HMCN1: variants seen among roughly 807,000 people sequenced by gnomAD.
HMCN1 encodes hemicentin 1, also known as hemicentin-1.
A neutral mutation model predicts 625.9 loss-of-function variants in HMCN1; 321 were observed. The ratio of observed to expected loss-of-function variants is 0.51; its 90% CI spans 0.47 to 0.56. The LOEUF is 0.56. Ranked by LOEUF, HMCN1 falls within the 20% of genes least tolerant of loss-of-function variation. The pLI is 0.00. For synonymous variants in HMCN1, 2,425 were observed against 2,417.6 expected (o/e 1.00, Z -0.09); for missense variants, 6,588 against 6,887.3 (o/e 0.96, Z 1.54).
In HMCN1 at chr1:185,891,449, C is replaced by T. The variant is rs538827950; in HGVS notation, c.622-17888C>T. Reference sequence around the variant, plus strand: ...TGGCATGATTTTGCAGCGGCTGGTACCGGTTGTTCCTTTCATGTTTAGTGC... The same window carrying T: ...TGGCATGATTTTGCAGCGGCTGGTATCGGTTGTTCCTTTCATGTTTAGTGC... On this transcript the variant is annotated intron_variant, in intron 4 of 106. Coordinates refer to ENST00000271588, the MANE Select transcript of HMCN1 (RefSeq NM_031935.3). Among the ~76,000 whole-genome samples the T allele has an allele frequency of 2.8e-4, 42 of 148,372 alleles. 1 individual carries two copies. Among genetic ancestry groups the T allele is most frequent in the Admixed American group, 7.9e-4 (12 of 15,192 alleles).
At chr1:186,163,629 G>T (rs1483603578) in intron 97 of HMCN1, among the ~76,000 whole-genome samples, 1 of 152,194 alleles carries the variant, frequency 6.6e-6, no homozygotes, top group East Asian at 1.9e-4. Flanking sequence ...TATGAAAATT[G>T]CATTCCTAGA....
At chr1:185,990,141 G>C in intron 21 of HMCN1, 134 bp from the exon 22 acceptor site, 1 of 865,152 alleles carries the variant, frequency 1.2e-6, no homozygotes, top group Non-Finnish European at 2.0e-6. Flanking sequence ...TTAATGGAAA[G>C]TTTTAGCTTA....
intron 9 of HMCN1, among the ~76,000 whole-genome samples, chr1:185,927,646 A>G (rs1437551072): frequency 6.6e-6 from 1 of 152,190 alleles, no homozygotes; most frequent in Non-Finnish European, 1.5e-5. Context: ...AGATATCACC[A>G]TAAGGTATTA....
intron 1 of HMCN1, among the ~76,000 whole-genome samples, chr1:185,789,491 C>T (rs1300741154): frequency 6.6e-6 from 1 of 152,194 alleles, no homozygotes; most frequent in Non-Finnish European, 1.5e-5. Flanking sequence ...GAAAGCATAT[C>T]ACACACATTG....
At chr1:186,172,891 A>T (rs552882031) in intron 102 of HMCN1, among the ~76,000 whole-genome samples, 1 of 152,348 alleles carries the variant, frequency 6.6e-6, no homozygotes, top group South Asian at 2.1e-4. Flanking sequence ...CTACAGGAAT[A>T]CCCAAGAGAG....
chr1:186,141,478 T>G (rs1016921829), intron 89 of HMCN1, among the ~76,000 whole-genome samples: 1 of 152,216 alleles, frequency 6.6e-6, no homozygotes, highest in Non-Finnish European at 1.5e-5. Context: ...CCCAGTTAGT[T>G]AGAAGAGTGT....
chr1:185,749,240 C>G (rs1654630600), intron 1 of HMCN1, among the ~76,000 whole-genome samples: 1 of 152,166 alleles, frequency 6.6e-6, no homozygotes, highest in East Asian at 1.9e-4. Context: ...GTATAATTGT[C>G]ATTCACAAAA....
chr1:186,062,695 G>A (rs1057061388), intron 48 of HMCN1, 95 bp downstream of exon 48: 9 of 791,016 alleles, frequency 1.1e-5, no homozygotes, highest in Non-Finnish European at 1.8e-5. Flanking sequence ...TATATTTAGG[G>A]GGTACAAGTG....
At chr1:186,068,868 C>CAAAAA in intron 50 of HMCN1, among the ~76,000 whole-genome samples, 2 of 76,766 alleles carry the variant, frequency 2.6e-5, no homozygotes, top group South Asian at 4.9e-4. Context: ...GACTCGGTCT[C>CAAAAA]AAAAAAAAAA....
intron 4 of HMCN1, among the ~76,000 whole-genome samples, chr1:185,889,647 C>T (rs941618816): frequency 7.3e-6 from 1 of 137,770 alleles, no homozygotes; most frequent in Non-Finnish European, 1.5e-5. Context: ...GCCTTGCATC[C>T]CAGGGATGAA....
At chr1:185,994,529 G>T (rs536972554) in intron 23 of HMCN1, among the ~76,000 whole-genome samples, 6 of 152,166 alleles carry the variant, frequency 3.9e-5, no homozygotes, top group Admixed American at 1.3e-4. Flanking sequence ...AATGCTTTCT[G>T]TTCCTCAAGT....
At chr1:186,182,109 T>C (rs1010016722) in intron 104 of HMCN1, 59 bp from the exon 105 acceptor site, 10 of 1,600,158 alleles carry the variant, frequency 6.2e-6, no homozygotes, top group Non-Finnish European at 8.6e-6. Flanking sequence ...GAGTTGGCTC[T>C]GTCACAGTGT....
rs1666275826 is a variant in HMCN1 at position 185,909,250 on chromosome 1, T to C, written c.622-87T>C. On this transcript the variant is annotated intron_variant, in intron 4 of 106. Transcript: ENST00000271588. ...CCAGTCCAGGATGTGCCGGAGTCAT[T>C]TGATCACCCAAAGGACCTGAAACAG... The C allele has an allele frequency of 3.0e-6, 3 of 1,011,470 alleles. No homozygotes were observed. The East Asian group carries it at 7.2e-5, about 24-fold the overall frequency. 62.7% of individuals were successfully genotyped at this position (1,011,470 alleles called of 1,614,324 possible).
chr1:186,172,264 C>T (rs1652281061), intron 102 of HMCN1, 133 bp downstream of exon 102: 18 of 1,224,052 alleles, frequency 1.5e-5, no homozygotes, highest in Non-Finnish European at 2.0e-5. Context: ...TAAGTACTCC[C>T]AACTTCTAGG....
intron 53 of HMCN1, among the ~76,000 whole-genome samples, chr1:186,076,107 T>C (rs1288818742): frequency 6.6e-6 from 1 of 152,196 alleles, no homozygotes; most frequent in Non-Finnish European, 1.5e-5. Context: ...TAGTCTTTCC[T>C]GCTGTGTATC....
At chr1:186,024,853 C>T (rs1327170927) in intron 36 of HMCN1, among the ~76,000 whole-genome samples, 1 of 152,108 alleles carries the variant, frequency 6.6e-6, no homozygotes, top group African/African-American at 2.4e-5. Flanking sequence ...CTTTTTGGCA[C>T]CAGGGACCAG....
Position 186,053,909 on chromosome 1 carries a change from C to A in HMCN1, c.6785C>A (p.Ser2262Tyr). 6.2e-7 allele frequency: 1 copy of A among 1,612,704 alleles called. No individual in the cohort carries two copies. The highest frequency in any genetic ancestry group is 8.5e-7 in the Non-Finnish European group (1 of 1,179,196). ...RQLQISIAEK[S>Y]DAALYSCVAS... ...TTACAAATTTCAATTGCTGAAAAGTCTGATGCAGCACTCTATTCATGTGTG... is the reference window on the plus strand; with the variant it reads ...TTACAAATTTCAATTGCTGAAAAGTATGATGCAGCACTCTATTCATGTGTG... The change falls in exon 44 of 107, where the codon TCT becomes TAT. Residue 2262 changes from serine (S) to tyrosine (Y), a missense_variant. Physicochemically the swap from Ser to Tyr is moderately radical, Grantham distance 144. Coordinates refer to ENST00000271588, the MANE Select transcript of HMCN1 (RefSeq NM_031935.3).
At chr1:185,989,315 G>A (rs1278887245) in intron 20 of HMCN1, among the ~76,000 whole-genome samples, 173 bp from the exon 21 acceptor site, 2 of 151,884 alleles carry the variant, frequency 1.3e-5, no homozygotes, top group Non-Finnish European at 2.9e-5. Flanking sequence ...ACTTTTATTT[G>A]TCTAATTTTT....
intron 2 of HMCN1, among the ~76,000 whole-genome samples, chr1:185,851,814 A>G (rs1662179451): frequency 6.6e-6 from 1 of 151,838 alleles, no homozygotes; most frequent in South Asian, 2.1e-4. Flanking sequence ...CACCCCCCCC[A>G]ACACACAGAC....
Sources: gnomAD v4.1 joint callset for allele counts (sites outside exome capture counted in the v4.1 genomes callset) on GRCh38, gnomAD v4.1.1 for gene constraint, MANE v1.5 for transcripts, NCBI Gene and HGNC (gene_info 2026-07-23, HGNC 2026-07-21) for gene names.